NKAIN2: variants seen among roughly 807,000 people sequenced by gnomAD.
NKAIN2 encodes sodium/potassium-transporting ATPase subunit beta-1-interacting protein 2.
A neutral mutation model predicts 32.6 loss-of-function variants in NKAIN2; 14 were observed. That is an observed-to-expected ratio of 0.43 (90% CI 0.28 to 0.67). NKAIN2 has a LOEUF of 0.67. Ranked by LOEUF, NKAIN2 falls within the 30% of genes least tolerant of loss-of-function variation. The pLI, the probability that NKAIN2 is intolerant of heterozygous loss-of-function variation, is 0.17. For synonymous variants in NKAIN2, 80 were observed against 87.2 expected, an observed-to-expected ratio of 0.92 and a Z score of 0.46; for missense variants, 198 against 258.3, an observed-to-expected ratio of 0.77 and a Z score of 1.60.
At chr6:123,985,377 G>A (rs1779090049) in intron 1 of NKAIN2, among the ~76,000 whole-genome samples, 1 of 152,112 alleles carries the variant, frequency 6.6e-6, no homozygotes, top group Admixed American at 6.6e-5. Flanking sequence ...TCCAGCCTGG[G>A]CAACAAGAGC....
At chr6:124,375,859 GCTCAAAAACTCTTA>G (rs1377339137) in intron 3 of NKAIN2, among the ~76,000 whole-genome samples, 1 of 152,000 alleles carries the variant, frequency 6.6e-6, no homozygotes, top group African/African-American at 2.4e-5. Context: ...GAACCTAATG[GCTCAAAAACTCTTA>G]ATCAAGTACT....
chr6:124,492,183 A>G (rs999828724), intron 3 of NKAIN2, among the ~76,000 whole-genome samples: 6 of 152,108 alleles, frequency 3.9e-5, no homozygotes, highest in South Asian at 2.1e-4. Flanking sequence ...CTAAAAAATG[A>G]TATTTATTTT....
chr6:124,678,674 A>G (rs1257892222), intron 4 of NKAIN2, among the ~76,000 whole-genome samples: 1 of 152,142 alleles, frequency 6.6e-6, no homozygotes, highest in East Asian at 1.9e-4. Flanking sequence ...TTTGTCAGAA[A>G]TTTTATATAC....
At chr6:124,815,915 A>G (rs1488197437) in intron 5 of NKAIN2, among the ~76,000 whole-genome samples, 1 of 152,158 alleles carries the variant, frequency 6.6e-6, no homozygotes, top group African/African-American at 2.4e-5. Context: ...TACCAATTAT[A>G]TGCGATAAAT....
intron 3 of NKAIN2, among the ~76,000 whole-genome samples, chr6:124,463,660 T>G (rs1776624198): frequency 6.6e-6 from 1 of 152,130 alleles, no homozygotes; most frequent in Non-Finnish European, 1.5e-5. Context: ...TCATCGTACC[T>G]TTCTTAACTT....
At chr6:124,681,819 A>T (rs2114506038) in intron 4 of NKAIN2, among the ~76,000 whole-genome samples, 1 of 152,208 alleles carries the variant, frequency 6.6e-6, no homozygotes, top group Middle Eastern at 3.4e-3. Flanking sequence ...TATCCTTCTA[A>T]GCACCCTCAC....
At chr6:124,394,731 A>G (rs1773302849) in intron 3 of NKAIN2, among the ~76,000 whole-genome samples, 1 of 152,058 alleles carries the variant, frequency 6.6e-6, no homozygotes, top group South Asian at 2.1e-4. Flanking sequence ...CAGGTTTGCA[A>G]TTGCTTAGAT....
chr6:123,883,845 A>G (rs1434974327), intron 1 of NKAIN2, among the ~76,000 whole-genome samples: 1 of 135,876 alleles, frequency 7.4e-6, no homozygotes, highest in Non-Finnish European at 1.5e-5. Flanking sequence ...CAGTGAAACG[A>G]GATCGCGCCA....
chr6:124,376,320 A>T (rs752911020), intron 3 of NKAIN2, among the ~76,000 whole-genome samples: 13 of 152,144 alleles, frequency 8.5e-5, no homozygotes, highest in African/African-American at 2.2e-4. Context: ...AAGGCACTGA[A>T]ATCAACAATT....
intron 1 of NKAIN2, among the ~76,000 whole-genome samples, chr6:123,907,943 A>G (rs182446623): frequency 1.3e-5 from 2 of 152,278 alleles, no homozygotes; most frequent in South Asian, 2.1e-4. Context: ...CATTCCTCCA[A>G]TGAAGACTGT....
At chr6:124,687,135 A>AATAT (rs142235428) in intron 4 of NKAIN2, among the ~76,000 whole-genome samples, 23,732 of 147,312 alleles carry the variant, frequency 0.16, 2,193 homozygotes, top group East Asian at 0.34. Context: ...AGCTCCCTTA[A>AATAT]ATATATATAT....
intron 3 of NKAIN2, among the ~76,000 whole-genome samples, chr6:124,396,428 T>TAAAA (rs529161089): frequency 2.4e-4 from 31 of 129,568 alleles, no homozygotes; most frequent in African/African-American, 8.2e-4. Context: ...GCTATTTGAT[T>TAAAA]AAAAAAAAAA....
At chr6:124,694,999 T>C (rs1416113345) in intron 4 of NKAIN2, among the ~76,000 whole-genome samples, 1 of 152,192 alleles carries the variant, frequency 6.6e-6, no homozygotes, top group Non-Finnish European at 1.5e-5. Flanking sequence ...AGCAGTACCT[T>C]TATAATATGT....
At chr6:124,397,171 G>A (rs1297166774) in intron 3 of NKAIN2, among the ~76,000 whole-genome samples, 1 of 151,776 alleles carries the variant, frequency 6.6e-6, no homozygotes, top group African/African-American at 2.4e-5. Flanking sequence ...AAATTATAAT[G>A]ATGGTTTTAA....
intron 1 of NKAIN2, among the ~76,000 whole-genome samples, chr6:124,197,801 G>A (rs1178494245): frequency 6.8e-6 from 1 of 147,916 alleles, no homozygotes; most frequent in Non-Finnish European, 1.5e-5. Flanking sequence ...TTCTGCCTCT[G>A]GGATTTTTCC....
intron 3 of NKAIN2, among the ~76,000 whole-genome samples, chr6:124,619,075 T>C (rs1047104618): frequency 3.9e-5 from 6 of 152,122 alleles, no homozygotes; most frequent in Admixed American, 1.3e-4. Context: ...TGGAAACATT[T>C]CCACATTAAT....
At chr6:124,185,207 C>T (rs973331660) in intron 1 of NKAIN2, among the ~76,000 whole-genome samples, 8 of 152,152 alleles carry the variant, frequency 5.3e-5, no homozygotes, top group African/African-American at 1.9e-4. Context: ...ATGAAACTTT[C>T]AGATATATTA....
Position 124,668,892 on chromosome 6 carries a change from T to C in NKAIN2, c.474+10506T>C, listed in dbSNP as rs528187789. 2.2e-4 allele frequency among the ~76,000 whole-genome samples: 34 copies of C among 152,288 alleles called. 1 individual carries two copies. The South Asian group carries it at 6.0e-3, about 27-fold the overall frequency. ...GACAAAATGTGTTTGGCCACATCTT[T>C]ATTGTCCTTTAATTGTGACTCTGGG... On this transcript the variant is annotated intron_variant, in intron 4 of 6. Transcript: ENST00000368417.
intron 1 of NKAIN2, among the ~76,000 whole-genome samples, chr6:124,047,448 C>CTCTCTA (rs1554246859): frequency 6.6e-6 from 1 of 151,016 alleles, no homozygotes; most frequent in Non-Finnish European, 1.5e-5. Flanking sequence ...CTCTCTCTCT[C>CTCTCTA]TATATATATA....
Sources: allele counts gnomAD v4.1 joint callset (sites outside exome capture counted in the v4.1 genomes callset), GRCh38; gene constraint gnomAD v4.1.1; transcripts MANE v1.5; gene names NCBI Gene and HGNC (gene_info 2026-07-23, HGNC 2026-07-21).